Variants in PKIB observed in about 807,000 individuals in gnomAD.
The protein encoded by PKIB is PKI-beta.
In PKIB, 2 loss-of-function variants were observed where a neutral mutation model predicts 4.5. That is an observed-to-expected ratio of 0.44 (90% CI 0.18 to 1.39). The LOEUF is 1.39. Ranked by LOEUF, PKIB falls within the 40% of genes most tolerant of loss-of-function variation. PKIB has a pLI of 0.27. For missense variants in PKIB, 94 were observed against 92.6 expected (o/e 1.02, Z -0.06); for synonymous variants, 38 against 36.0 (o/e 1.06, Z -0.20).
At chr6:122,499,646 G>A (rs1231353828) in intron 2 of PKIB, among the ~76,000 whole-genome samples, 1 of 152,130 alleles carries the variant, frequency 6.6e-6, no homozygotes, top group African/African-American at 2.4e-5. Flanking sequence ...TTAAGAAATG[G>A]AACAAGACAA....
intron 2 of PKIB, among the ~76,000 whole-genome samples, chr6:122,634,185 A>G (rs1398684432): frequency 6.6e-6 from 1 of 152,044 alleles, no homozygotes; most frequent in Non-Finnish European, 1.5e-5. Context: ...AGGGAGGGGA[A>G]CATCACACAC....
intron 3 of PKIB, among the ~76,000 whole-genome samples, chr6:122,604,297 A>G (rs1582730285): frequency 6.6e-6 from 1 of 152,232 alleles, no homozygotes; most frequent in African/African-American, 2.4e-5. Context: ...CTCCCCAAAC[A>G]CATGGAGGAA....
At chr6:122,483,767 A>G (rs2114522773) in intron 2 of PKIB, 1 of 152,356 alleles carries the variant, frequency 6.6e-6, no homozygotes, top group Admixed American at 6.5e-5. Context: ...TTCTGTCTGC[A>G]GGCTGTAAGG....
intron 3 of PKIB, among the ~76,000 whole-genome samples, chr6:122,684,109 C>T (rs550720405): frequency 1.3e-5 from 2 of 152,272 alleles, no homozygotes; most frequent in Non-Finnish European, 2.9e-5. Context: ...TGCATGAGCT[C>T]ACTTACATGA....
chr6:122,605,886 A>G (rs562725683), upstream of PKIB, among the ~76,000 whole-genome samples: 14 of 152,308 alleles, frequency 9.2e-5, no homozygotes, highest in African/African-American at 3.4e-4. Context: ...GGTTCATATT[A>G]TTGTAGTTAT....
At chr6:122,481,097 C>T (rs1775598145) in intron 2 of PKIB, 1 of 152,178 alleles carries the variant, frequency 6.6e-6, no homozygotes, top group African/African-American at 2.4e-5. Context: ...GAAAACCTGA[C>T]AGACACCTTA....
At chr6:122,645,697 T>C (rs1169695018) in intron 2 of PKIB, among the ~76,000 whole-genome samples, 1 of 152,122 alleles carries the variant, frequency 6.6e-6, no homozygotes, top group African/African-American at 2.4e-5. Context: ...GTGAACTACA[T>C]AGGGCATTAA....
chr6:122,564,302 G>A (rs753897030), intron 2 of PKIB, among the ~76,000 whole-genome samples: 15 of 152,132 alleles, frequency 9.9e-5, no homozygotes, highest in Non-Finnish European at 2.1e-4. Context: ...CACAATGCAA[G>A]CTTCTGCAAG....
intron 2 of PKIB, among the ~76,000 whole-genome samples, chr6:122,518,213 A>T (rs1776822187): frequency 6.6e-6 from 1 of 152,192 alleles, no homozygotes; most frequent in Non-Finnish European, 1.5e-5. Flanking sequence ...TTAAAAATGT[A>T]AAAGTTACTC....
intron 2 of PKIB, among the ~76,000 whole-genome samples, chr6:122,645,150 T>C (rs1412206789): frequency 6.6e-6 from 1 of 152,248 alleles, no homozygotes; most frequent in Non-Finnish European, 1.5e-5. Flanking sequence ...GGTTGGTACA[T>C]GACTTCTATC....
intron 2 of PKIB, among the ~76,000 whole-genome samples, chr6:122,579,659 A>G (rs1773649204): frequency 6.6e-6 from 1 of 152,162 alleles, no homozygotes; most frequent in Admixed American, 6.5e-5. Flanking sequence ...TTCCTAATGA[A>G]AAGTACTATA....
intron 2 of PKIB, chr6:122,643,756 T>C (rs1479222823): frequency 2.6e-5 from 4 of 152,164 alleles, no homozygotes; most frequent in Admixed American, 2.6e-4. Flanking sequence ...AAATGTATGG[T>C]TTTTTTAAAA....
intron 3 of PKIB, among the ~76,000 whole-genome samples, chr6:122,598,278 G>T (rs1774239774): frequency 6.6e-6 from 1 of 152,112 alleles, no homozygotes; most frequent in African/African-American, 2.4e-5. Context: ...AAGTAGGCAT[G>T]CAGTAGGCTT....
chr6:122,506,525 T>C (rs1293824840), intron 2 of PKIB, among the ~76,000 whole-genome samples: 1 of 152,040 alleles, frequency 6.6e-6, no homozygotes, highest in African/African-American at 2.4e-5. Context: ...ACTGGGCATG[T>C]TGTTTAGTGT....
chr6:122,563,831 A>C (rs1387452132), intron 2 of PKIB, among the ~76,000 whole-genome samples: 1 of 152,010 alleles, frequency 6.6e-6, no homozygotes, highest in African/African-American at 2.4e-5. Flanking sequence ...CAACAGCCCC[A>C]AGTCTGTTTC....
rs116130889 is a variant in PKIB at position 122,591,304 on chromosome 6, G to A, written c.-161+5297G>A. ...CCTATGAATAACTGAAGGGCTACTG[G>A]AAGTTACTGATTTTCAGTTTTTTTG... On this transcript the variant is annotated intron_variant, in intron 3 of 6. Coordinates refer to the PKIB transcript ENST00000392491. Among the ~76,000 whole-genome samples the A allele has an allele frequency of 4.6e-3, 706 of 152,036 alleles. 3 individuals carry two copies. The highest frequency in any genetic ancestry group is 0.016 in the African/African-American group (645 of 41,464).
At chr6:122,641,144 A>G (rs538062411) in intron 2 of PKIB, among the ~76,000 whole-genome samples, 18 of 152,166 alleles carry the variant, frequency 1.2e-4, no homozygotes, top group Non-Finnish European at 2.5e-4. Flanking sequence ...TCACTCATGT[A>G]TTTATACAAC....
intron 2 of PKIB, among the ~76,000 whole-genome samples, chr6:122,527,932 A>G (rs1235357747): frequency 6.6e-6 from 1 of 152,108 alleles, no homozygotes. Context: ...TTTCTTATTG[A>G]TATTCTGTCT....
rs1779910275 is a variant in PKIB, at chr6:122,725,219, C to G, written c.*24C>G. On this transcript the variant is annotated 3_prime_UTR_variant, in exon 5 of 5. Transcript: ENST00000368452. ...GAAGGCTCATAATCTATCAAGAGTGCTGAATTTCTGCATGTTGAAAGACTT... is the reference window on the plus strand; with the variant it reads ...GAAGGCTCATAATCTATCAAGAGTGGTGAATTTCTGCATGTTGAAAGACTT... 1 of 1,571,164 alleles carries G rather than the reference C, an allele frequency of 6.4e-7. No homozygotes were observed. Among genetic ancestry groups the G allele is most frequent in the East Asian group, 2.2e-5 (1 of 44,544 alleles).
Sources: allele counts gnomAD v4.1 joint callset (sites outside exome capture counted in the v4.1 genomes callset), GRCh38; gene constraint gnomAD v4.1.1; transcripts MANE v1.5; gene names NCBI Gene and HGNC (gene_info 2026-07-23, HGNC 2026-07-21).